PCDHA2: variants seen among roughly 807,000 people sequenced by gnomAD.
The protein encoded by PCDHA2 is protocadherin alpha-2.
In PCDHA2, 58 loss-of-function variants were observed where a neutral mutation model predicts 66.0. The observed-to-expected ratio is 0.88, with a 90% CI of 0.71 to 1.09. The LOEUF (loss-of-function observed/expected upper bound fraction) is 1.09, where lower values mean the gene tolerates loss of function less well. PCDHA2 is among the 50% of genes least tolerant of loss of function. The pLI, the probability that PCDHA2 is intolerant of heterozygous loss-of-function variation, is 0.00. For synonymous variants in PCDHA2, 634 were observed against 554.0 expected (o/e 1.14, Z -2.03); for missense variants, 1,267 against 1,242.3 (o/e 1.02, Z -0.30).
chr5:140,970,405 C>T (rs1361647284), intron 1 of PCDHA2, among the ~76,000 whole-genome samples: 1 of 152,120 alleles, frequency 6.6e-6, no homozygotes, highest in Non-Finnish European at 1.5e-5. Flanking sequence ...GATGGCTTAC[C>T]CTACAGTAAG....
intron 1 of PCDHA2, among the ~76,000 whole-genome samples, chr5:140,920,549 G>A (rs957534849): frequency 2.6e-5 from 4 of 152,120 alleles, no homozygotes; most frequent in Non-Finnish European, 5.9e-5. Flanking sequence ...TTTCACCTTC[G>A]AAGTGTGGCC....
chr5:140,856,319 C>T (rs782092511), intron 1 of PCDHA2: 2 of 1,598,532 alleles, frequency 1.3e-6, no homozygotes, highest in African/African-American at 1.3e-5. Flanking sequence ...TCGGATTGAC[C>T]GCGAGGAGCT....
rs997332881 is a variant in PCDHA2 at position 140,887,348 on chromosome 5, G to A, written c.2388+89996G>A. On this transcript the variant is annotated intron_variant, in intron 1 of 3. Transcript: ENST00000526136. ...CCTGACCTCGTGATCCACCTGGCTCGGCCTCCCAAAGTGCTGGGATTACAG... is the reference window on the plus strand; with the variant it reads ...CCTGACCTCGTGATCCACCTGGCTCAGCCTCCCAAAGTGCTGGGATTACAG... Among the ~76,000 whole-genome samples, 8 of 151,974 alleles carry A rather than the reference G, an allele frequency of 5.3e-5. 1 individual carries two copies. The highest frequency in any genetic ancestry group is 8.8e-5 in the Non-Finnish European group (6 of 67,980).
chr5:140,910,387 T>G (rs540534807), intron 1 of PCDHA2, among the ~76,000 whole-genome samples: 3 of 152,276 alleles, frequency 2.0e-5, no homozygotes, highest in Admixed American at 6.5e-5. Context: ...CCTTTGACAG[T>G]TGACTGGCCC....
chr5:140,876,699 G>A, intron 1 of PCDHA2: 1 of 1,614,228 alleles, frequency 6.2e-7, no homozygotes, highest in Non-Finnish European at 8.5e-7. Context: ...CGTTGGTGCT[G>A]GACAGCGCCC....
At chr5:140,843,130 C>T (rs2150353538) in intron 1 of PCDHA2, 5 of 1,596,012 alleles carry the variant, frequency 3.1e-6, no homozygotes, top group Non-Finnish European at 4.3e-6. Flanking sequence ...ACTCGGGCTA[C>T]AACGCGTGGC....
chr5:140,861,426 T>G (rs1451953787), intron 1 of PCDHA2: 8 of 485,290 alleles, frequency 1.6e-5, no homozygotes, highest in South Asian at 1.1e-4. Flanking sequence ...CCTGTTTCAG[T>G]TGGATTCCAA....
At chr5:140,912,310 A>T (rs936183695) in intron 1 of PCDHA2, among the ~76,000 whole-genome samples, 1 of 151,764 alleles carries the variant, frequency 6.6e-6, no homozygotes, top group African/African-American at 2.4e-5. Flanking sequence ...AATCCAGTCA[A>T]GTTGACCCTC....
In PCDHA2 at chr5:141,002,410, T is replaced by C. The variant is rs1034024595; in HGVS notation, c.2537-7217T>C. 2.2e-4 allele frequency among the ~76,000 whole-genome samples: 33 copies of C among 152,326 alleles called. 1 individual carries two copies. The highest frequency in any genetic ancestry group is 7.5e-4 in the African/African-American group (31 of 41,578). On this transcript the variant is annotated intron_variant, in intron 3 of 3. Coordinates refer to ENST00000526136, the MANE Select transcript of PCDHA2 (RefSeq NM_018905.3). The stretch of plus-strand genomic sequence containing the variant: ...TGCTGGCATCTCTGTGCCTCCCAAA[T>C]AGTAGTAACAAAACAGGCAATAACC...
intron 1 of PCDHA2, among the ~76,000 whole-genome samples, chr5:140,799,503 T>C (rs1762436994): frequency 6.6e-6 from 1 of 152,032 alleles, no homozygotes; most frequent in Admixed American, 6.5e-5. Context: ...TTTTCAGAAA[T>C]AATGCTTAAA....
chr5:140,861,736 A>G (rs1380894393), intron 1 of PCDHA2: 2 of 188,606 alleles, frequency 1.1e-5, no homozygotes, highest in Non-Finnish European at 1.1e-5. Context: ...TGACTTACAT[A>G]CTGTGCCGCA....
At chr5:140,979,548 C>A (rs2153819465) in intron 2 of PCDHA2, among the ~76,000 whole-genome samples, 1 of 152,286 alleles carries the variant, frequency 6.6e-6, no homozygotes, top group African/African-American at 2.4e-5. Context: ...TGACATGGTT[C>A]TTCAGAAGAT....
chr5:140,951,922 T>C (rs191831107), intron 1 of PCDHA2, among the ~76,000 whole-genome samples: 135 of 152,266 alleles, frequency 8.9e-4, no homozygotes, highest in Non-Finnish European at 1.0e-3. Flanking sequence ...AACAAGTTAG[T>C]TACTCCCAAG....
intron 1 of PCDHA2, chr5:140,824,109 T>A: frequency 6.2e-7 from 1 of 1,614,074 alleles, no homozygotes; most frequent in South Asian, 1.1e-5. Flanking sequence ...TTCCTCAGGG[T>A]CCCACCTCTA....
At chr5:141,007,395 CAAAAAAAAAAAA>C (rs35800918) in intron 3 of PCDHA2, among the ~76,000 whole-genome samples, 1 of 94,866 alleles carries the variant, frequency 1.1e-5, no homozygotes, top group Non-Finnish European at 2.1e-5. Flanking sequence ...TACTAAAATA[CAAAAAAAAAAAA>C]AAAAAAAAAA....
At chr5:140,842,977 G>T (rs2150349031) in intron 1 of PCDHA2, 2 of 1,595,034 alleles carry the variant, frequency 1.3e-6, no homozygotes, top group Middle Eastern at 1.7e-4. Context: ...TGACGCTGCA[G>T]GTGTTCGTGC....
rs2150153132 is a variant in PCDHA2, at chr5:140,828,254, G to A, written c.2388+30902G>A. ...CCGGATCGCGCAGGACCTGGGGCTG[G>A]AGCTGGCGGAGCTGGTGCCGCGCCT... On this transcript the variant is annotated intron_variant, in intron 1 of 3. Transcript: ENST00000526136. 5 of 1,613,996 alleles carry A rather than the reference G, an allele frequency of 3.1e-6. No homozygotes were observed. In the Admixed American group the frequency reaches 8.3e-5, roughly 27 times the overall value.
At chr5:140,829,189 T>C in intron 1 of PCDHA2, 1 of 1,614,208 alleles carries the variant, frequency 6.2e-7, no homozygotes, top group Non-Finnish European at 8.5e-7. Context: ...CTCAATTTGG[T>C]ACTGTCATCG....
chr5:140,850,784 T>C (rs2150498192), intron 1 of PCDHA2: 7 of 1,597,982 alleles, frequency 4.4e-6, no homozygotes, highest in South Asian at 1.1e-5. Flanking sequence ...CTGGCGAGGG[T>C]AAGCAGAAGA....
Sources: allele counts gnomAD v4.1 joint callset (sites outside exome capture counted in the v4.1 genomes callset), GRCh38; gene constraint gnomAD v4.1.1; transcripts MANE v1.5; gene names NCBI Gene and HGNC (gene_info 2026-07-23, HGNC 2026-07-21).